ZNF420: variants seen among roughly 807,000 people sequenced by gnomAD.
ZNF420 encodes the protein ATM and p53-associated KZNF protein.
Under a neutral mutation model 44.7 loss-of-function variants are expected in ZNF420, and 31 were observed. That is an observed-to-expected ratio of 0.69 (90% CI 0.52 to 0.94). The LOEUF is 0.94. ZNF420 is among the 40% of genes least tolerant of loss of function. ZNF420 has a pLI of 0.00. For missense variants in ZNF420, 681 were observed against 827.9 expected (o/e 0.82, Z 2.18); for synonymous variants, 245 against 267.4 (o/e 0.92, Z 0.82).
At chr19:37,020,743 G>A (rs370368344) in intron 1 of ZNF420, among the ~76,000 whole-genome samples, 21 of 152,304 alleles carry the variant, frequency 1.4e-4, no homozygotes, top group African/African-American at 4.8e-4. Flanking sequence ...GACATATGCT[G>A]CAACATGGAT....
chr19:37,101,178 T>C (rs1464233095), intron 4 of ZNF420, among the ~76,000 whole-genome samples: 2 of 152,140 alleles, frequency 1.3e-5, no homozygotes, highest in Non-Finnish European at 2.9e-5. Context: ...ACACGTGATG[T>C]CTGTGCACTG....
chr19:37,027,923 A>G (rs951618679), intron 1 of ZNF420, among the ~76,000 whole-genome samples: 5 of 152,188 alleles, frequency 3.3e-5, no homozygotes, highest in Admixed American at 6.5e-5. Context: ...TAAGTTTTCA[A>G]CTTATTTGGG....
chr19:37,036,573 C>A (rs1967358746), intron 1 of ZNF420, among the ~76,000 whole-genome samples: 1 of 152,148 alleles, frequency 6.6e-6, no homozygotes. Context: ...TCATTCGTAT[C>A]CTTTGGTTCA....
intron 1 of ZNF420, among the ~76,000 whole-genome samples, chr19:37,040,574 A>G (rs983279645): frequency 1.3e-5 from 2 of 152,240 alleles, no homozygotes; most frequent in Non-Finnish European, 1.5e-5. Flanking sequence ...TACATTAGGA[A>G]CAAGGACATA....
At chr19:37,108,713 C>T (rs576392283) in intron 4 of ZNF420, among the ~76,000 whole-genome samples, 4 of 152,200 alleles carry the variant, frequency 2.6e-5, no homozygotes, top group African/African-American at 9.6e-5. Context: ...TCCCCATTCC[C>T]AAGGGTAGAA....
rs1198088230 is a variant in ZNF420, at chr19:37,130,284, T to G, written c.*1226T>G. ...TAGCTCTGGTCTGCTTGCCTCCTGT[T>G]TCTCTTTAAATAAAATTAAACATCT... On this transcript the variant is annotated 3_prime_UTR_variant, in exon 5 of 5. Coordinates refer to ENST00000337995, the MANE Select transcript of ZNF420 (RefSeq NM_144689.5). 3 of 1,424,158 alleles carry G rather than the reference T, an allele frequency of 2.1e-6. No individual in the cohort carries two copies. In the East Asian group the frequency reaches 8.1e-5, roughly 38 times the overall value. The allele number at this position is 1,424,158 out of a possible 1,614,324, so 88.2% of individuals were successfully genotyped here.
intron 1 of ZNF420, among the ~76,000 whole-genome samples, chr19:37,043,011 C>T (rs553157274): frequency 6.6e-6 from 1 of 152,270 alleles, no homozygotes; most frequent in Non-Finnish European, 1.5e-5. Flanking sequence ...AGAACACATA[C>T]AATTTTTATC....
chr19:37,114,542 A>T (rs1402469833), intron 4 of ZNF420, among the ~76,000 whole-genome samples: 1 of 151,834 alleles, frequency 6.6e-6, no homozygotes, highest in East Asian at 1.9e-4. Context: ...CGTGGTTTAG[A>T]CTCTGATGGC....
chr19:37,047,035 C>T (rs968824585), intron 1 of ZNF420, among the ~76,000 whole-genome samples: 3 of 150,536 alleles, frequency 2.0e-5, no homozygotes, highest in Admixed American at 6.6e-5. Context: ...ATATAGGGTG[C>T]TAACTTTTAA....
intron 1 of ZNF420, among the ~76,000 whole-genome samples, chr19:37,061,994 C>T (rs1423431426): frequency 6.6e-6 from 1 of 152,170 alleles, no homozygotes; most frequent in Non-Finnish European, 1.5e-5. Context: ...ACTTTTAGGT[C>T]ATAAAACTGA....
At position 37,012,764 on chromosome 19, in the gene ZNF420, CTCTGTGTGTGTG is replaced by C. The variant is rs1262253498; in HGVS notation, c.-125+4684_-125+4695del. Among the ~76,000 whole-genome samples the C allele has an allele frequency of 8.7e-3, 1,152 of 132,352 alleles. 28 individuals carry two copies. The highest frequency in any genetic ancestry group is 0.038 in the South Asian group (155 of 4,056). The allele number at this position is 132,352 out of a possible 152,430, so 86.8% of individuals were successfully genotyped here. On this transcript the variant is annotated intron_variant, in intron 1 of 4. Coordinates refer to the ZNF420 transcript ENST00000587029. ...GTGCTTCTGTGCCACTGCTATATGT[CTCTGTGTGTGTG>C]TGTGTGTGTGTGTGTGTGTGTGTGT...
intron 1 of ZNF420, among the ~76,000 whole-genome samples, chr19:37,063,781 T>G (rs896129934): frequency 3.9e-5 from 6 of 152,120 alleles, no homozygotes; most frequent in Admixed American, 1.3e-4. Flanking sequence ...ACAATCCAAT[T>G]ACCAAAATAA....
intron 1 of ZNF420, among the ~76,000 whole-genome samples, chr19:37,047,574 CTCG>C: frequency 6.6e-6 from 1 of 152,158 alleles, no homozygotes; most frequent in Admixed American, 6.6e-5. Flanking sequence ...GGCATAGTGC[CTCG>C]TCATTTTCTT....
At chr19:37,031,534 C>T (rs1409788154) in intron 1 of ZNF420, among the ~76,000 whole-genome samples, 1 of 151,984 alleles carries the variant, frequency 6.6e-6, no homozygotes, top group African/African-American at 2.4e-5. Context: ...GACACGGAGT[C>T]TCGCTCTGTC....
chr19:37,043,085 C>T (rs564575354), intron 1 of ZNF420, among the ~76,000 whole-genome samples: 94 of 152,266 alleles, frequency 6.2e-4, no homozygotes, highest in African/African-American at 2.2e-3. Context: ...CAACAGTTAC[C>T]TCAAAGACCA....
In ZNF420 at chr19:37,128,787, G is replaced by A; in HGVS notation, c.1796G>A (p.Gly599Asp). The A allele has an allele frequency of 6.2e-7, 1 of 1,613,680 alleles. No individual in the cohort carries two copies. The highest frequency in any genetic ancestry group is 1.7e-5 in the Admixed American group (1 of 59,966). Residue 599 changes from glycine to aspartate, a missense_variant, in exon 5 of 5, where the codon GGC (glycine) becomes GAC (aspartate). Physicochemically the swap from Gly to Asp is moderately conservative, Grantham distance 94. Coordinates refer to ENST00000337995, the MANE Select transcript of ZNF420 (RefSeq NM_144689.5). ...CKECGKAFSH[G>D]SQLTLHQRIH... Reference sequence around the variant, plus strand: ...GAGTGTGGCAAGGCCTTTAGTCATGGCTCTCAGCTTACTCTACATCAGAGA... The same window carrying A: ...GAGTGTGGCAAGGCCTTTAGTCATGACTCTCAGCTTACTCTACATCAGAGA...
intron 4 of ZNF420, among the ~76,000 whole-genome samples, chr19:37,104,532 C>A (rs984061467): frequency 6.6e-6 from 1 of 152,290 alleles, no homozygotes; most frequent in South Asian, 2.1e-4. Context: ...AATGGTATTT[C>A]TAGTTCTGGA....
intron 4 of ZNF420, among the ~76,000 whole-genome samples, chr19:37,121,671 C>A (rs1971045412): frequency 6.6e-6 from 1 of 152,098 alleles, no homozygotes; most frequent in African/African-American, 2.4e-5. Flanking sequence ...AAGAAACTAC[C>A]ATCAGAGTGA....
chr19:37,081,876 G>A (rs1357982230), intron 2 of ZNF420, among the ~76,000 whole-genome samples: 1 of 151,372 alleles, frequency 6.6e-6, no homozygotes, highest in Non-Finnish European at 1.5e-5. Context: ...TCTGTTATTA[G>A]GTATAGAAAG....
Sources: allele counts gnomAD v4.1 joint callset (sites outside exome capture counted in the v4.1 genomes callset), GRCh38; gene constraint gnomAD v4.1.1; transcripts MANE v1.5; gene names NCBI Gene and HGNC (gene_info 2026-07-23, HGNC 2026-07-21).